PPFIBP2: variants seen among roughly 807,000 people sequenced by gnomAD.
The protein encoded by PPFIBP2 is PPFIB scaffold protein 2, also known as liprin-beta-2.
PPFIBP2 carries 118 observed loss-of-function variants against 118.3 expected under a neutral mutation model. That is an observed-to-expected ratio of 1.00 (90% CI 0.86 to 1.16). PPFIBP2 has a LOEUF of 1.16. Ranked by LOEUF, PPFIBP2 falls within the 50% of genes most tolerant of loss-of-function variation. The pLI is 0.00. For missense variants in PPFIBP2, 1,195 were observed against 1,073.1 expected, an observed-to-expected ratio of 1.11 and a Z score of -1.59; for synonymous variants, 414 against 397.4, an observed-to-expected ratio of 1.04 and a Z score of -0.50.
intron 3 of PPFIBP2, among the ~76,000 whole-genome samples, chr11:7,579,618 G>A (rs1352530099): frequency 1.3e-5 from 2 of 152,182 alleles, no homozygotes; most frequent in Non-Finnish European, 2.9e-5. Context: ...GGCAGATACT[G>A]TAACTCTGCC....
intron 23 of PPFIBP2, 142 bp from the exon 24 acceptor site, chr11:7,652,882 T>C: frequency 2.0e-6 from 2 of 991,790 alleles, no homozygotes; most frequent in Non-Finnish European, 3.0e-6. Flanking sequence ...CCAAGAGCTC[T>C]GTTTTGTTCA....
At chr11:7,630,683 G>C (rs1018182559) in intron 10 of PPFIBP2, among the ~76,000 whole-genome samples, 1 of 150,474 alleles carries the variant, frequency 6.6e-6, no homozygotes, top group African/African-American at 2.5e-5. Flanking sequence ...TAAGGAGTGA[G>C]AGGTTTGGAG....
Position 7,543,503 on chromosome 11 carries a change from C to T in PPFIBP2, c.-36-5937C>T, listed in dbSNP as rs116667506. On this transcript the variant is annotated intron_variant, in intron 1 of 23. Transcript: ENST00000299492. ...CAGCTGCTAAGGAGTCAGGTCTTGG[C>T]TCTGGCTCAACTGTGTCCAAGGCTC... Among the ~76,000 whole-genome samples the T allele has an allele frequency of 5.6e-3, 858 of 152,332 alleles. 6 individuals are homozygous for T. Among genetic ancestry groups the T allele is most frequent in the African/African-American group, 0.02 (820 of 41,580 alleles).
At chr11:7,569,162 C>G (rs1291794777) in intron 3 of PPFIBP2, 2 of 152,294 alleles carry the variant, frequency 1.3e-5, no homozygotes, top group Non-Finnish European at 2.9e-5. Context: ...AAAGGGCACT[C>G]CTAGTCCTAG....
rs1205757014 is a variant in PPFIBP2 at position 7,628,322 on chromosome 11, T to C, written c.864T>C (p.Thr288=). 3.7e-6 allele frequency: 6 copies of C among 1,613,894 alleles called. No homozygotes were observed. The highest frequency in any genetic ancestry group is 1.3e-5 in the African/African-American group (1 of 74,910). The change falls in exon 9 of 24, where the codon ACT becomes ACC. Residue 288 remains threonine (T), a synonymous_variant. Transcript: ENST00000299492. ...EIQRLKMGME[T]LLLANEDKDR... ...AACGTCTGAAAATGGGGATGGAAAC[T>C]TTGCTGCTTGCCAATGAAGATAAGG...
rs188133717 is a variant in PPFIBP2, at chr11:7,616,133, C to A, written c.619-4802C>A. ...ATGCTGAGGACAACACAAAGCCATACACACACATACACACGCACACACAAA... is the reference window on the plus strand; with the variant it reads ...ATGCTGAGGACAACACAAAGCCATAAACACACATACACACGCACACACAAA... On this transcript the variant is annotated intron_variant, in intron 6 of 23. Transcript: ENST00000299492. The surrounding 1 kb of genome is among the most constrained non-coding windows in gnomAD (Gnocchi z 5.2). 6.6e-6 allele frequency among the ~76,000 whole-genome samples: 1 copy of A among 152,114 alleles called. No individual in the cohort carries two copies. The highest frequency in any genetic ancestry group is 1.9e-4 in the East Asian group (1 of 5,184).
At chr11:7,665,468 A>G in the PPFIBP2 span, 1 of 1,613,954 alleles carries the variant, frequency 6.2e-7, no homozygotes. Context: ...ACACACCAGG[A>G]TGAGCGTGGA....
At chr11:7,544,772 TAAAAAAAA>T (rs1194860244) in intron 1 of PPFIBP2, among the ~76,000 whole-genome samples, 2 of 86,144 alleles carry the variant, frequency 2.3e-5, no homozygotes, top group Non-Finnish European at 4.4e-5. Context: ...AGACTCCATC[TAAAAAAAA>T]AAAAAAAAAA....
chr11:7,606,106 A>G (rs1847309408), intron 5 of PPFIBP2: 4 of 1,401,998 alleles, frequency 2.9e-6, no homozygotes, highest in Non-Finnish European at 3.8e-6. Context: ...AGTGAAGAGC[A>G]CTGTCTTAGA....
At chr11:7,666,055 C>A in the PPFIBP2 span, 2 of 742,640 alleles carry the variant, frequency 2.7e-6, no homozygotes, top group Admixed American at 2.1e-5. Flanking sequence ...GGGGGCTCAG[C>A]ATGTCCAGGT....
chr11:7,664,830 G>T, the PPFIBP2 span, among the ~76,000 whole-genome samples: 4 of 123,514 alleles, frequency 3.2e-5, no homozygotes, highest in Non-Finnish European at 6.5e-5. Context: ...ACAGACCCTC[G>T]TTTGGGTTTC....
At chr11:7,585,698 A>G (rs1177902411) in intron 3 of PPFIBP2, among the ~76,000 whole-genome samples, 2 of 152,228 alleles carry the variant, frequency 1.3e-5, no homozygotes, top group African/African-American at 2.4e-5. Flanking sequence ...TAACATGGCT[A>G]TCCCTTGGCC....
intron 1 of PPFIBP2, among the ~76,000 whole-genome samples, chr11:7,546,935 T>C (rs968769839): frequency 6.6e-6 from 1 of 152,254 alleles, no homozygotes. Flanking sequence ...TGGGGGCAGA[T>C]ACTAGGTCTG....
chr11:7,588,075 T>C (rs1858535731), intron 3 of PPFIBP2, among the ~76,000 whole-genome samples: 1 of 152,180 alleles, frequency 6.6e-6, no homozygotes, highest in Non-Finnish European at 1.5e-5. Flanking sequence ...ATCCCTAAAA[T>C]GCAATGTTCT....
intron 4 of PPFIBP2, among the ~76,000 whole-genome samples, chr11:7,594,649 A>T (rs974288727): frequency 2.0e-5 from 3 of 148,486 alleles, no homozygotes; most frequent in Admixed American, 2.0e-4. Context: ...AGGCATGGTG[A>T]TGGGTGCCTG....
chr11:7,553,951 G>C (rs929677707), intron 2 of PPFIBP2, among the ~76,000 whole-genome samples: 1 of 152,156 alleles, frequency 6.6e-6, no homozygotes, highest in African/African-American at 2.4e-5. Context: ...AGCCAGAGTG[G>C]TTTTGTTCTT....
intron 1 of PPFIBP2, among the ~76,000 whole-genome samples, chr11:7,526,488 G>T (rs905410442): frequency 4.6e-5 from 7 of 152,230 alleles, no homozygotes; most frequent in African/African-American, 1.4e-4. Flanking sequence ...TCGGTAGTGG[G>T]GAATAATTGG....
chr11:7,666,090 G>A, the PPFIBP2 span: 9 of 641,332 alleles, frequency 1.4e-5, no homozygotes, highest in African/African-American at 1.3e-4. Context: ...GGGGTGTGGT[G>A]GCCGTAAGCA....
At chr11:7,552,210 C>T (rs1489743153) in intron 2 of PPFIBP2, among the ~76,000 whole-genome samples, 2 of 152,170 alleles carry the variant, frequency 1.3e-5, no homozygotes, top group Non-Finnish European at 2.9e-5. Context: ...CCTCAGTTTC[C>T]TCATATTAGA....
Sources: allele counts gnomAD v4.1 joint callset (sites outside exome capture counted in the v4.1 genomes callset), GRCh38; gene constraint gnomAD v4.1.1; non-coding constraint Gnocchi (gnomAD v3.1); transcripts MANE v1.5; gene names NCBI Gene and HGNC (gene_info 2026-07-23, HGNC 2026-07-21).